The following MYO1C variants were observed in gnomAD, a reference collection of about 807,000 sequenced individuals.
MYO1C encodes the protein myosin IC.
MYO1C carries 104 observed loss-of-function variants against 150.8 expected under a neutral mutation model. The observed-to-expected ratio is 0.69, with a 90% CI of 0.59 to 0.81. The LOEUF (loss-of-function observed/expected upper bound fraction) is 0.81. MYO1C is among the 30% of genes least tolerant of loss of function. The pLI, the probability that MYO1C is intolerant of heterozygous loss-of-function variation, is 0.00. For missense variants in MYO1C, 1,504 were observed against 1,435.0 expected, an observed-to-expected ratio of 1.05 and a Z score of -0.78; for synonymous variants, 663 against 579.9, an observed-to-expected ratio of 1.14 and a Z score of -2.06.
At chr17:1,475,754 T>C (rs890902791) in intron 14 of MYO1C, among the ~76,000 whole-genome samples, 6 of 152,162 alleles carry the variant, frequency 3.9e-5, no homozygotes, top group African/African-American at 7.2e-5. Context: ...GGACAAAGAT[T>C]GAAGGCACGG....
rs1284785098 is a variant in MYO1C, at chr17:1,468,799, G to A, written c.2611-303C>T. 2.8e-5 allele frequency: 14 copies of A among 499,888 alleles called. No homozygotes were observed. The East Asian group carries it at 4.8e-4, about 17-fold the overall frequency. 31.0% of individuals were successfully genotyped at this position (499,888 alleles called of 1,614,324 possible). A position where few individuals can be genotyped will look rare whatever the true frequency, so the allele number is the denominator to read the frequency against. On this transcript the variant is annotated intron_variant, in intron 25 of 31. Transcript: ENST00000648651. ...GCCCTGAGACTCAGCTCCAGCTTGG[G>A]GTCTTGTAAGCAGCAGATCACTAAT...
chr17:1,465,712 AGT>A lies in MYO1C; in HGVS notation c.*12_*13del. On this transcript the variant is annotated 3_prime_UTR_variant, in exon 32 of 32. Transcript: ENST00000648651. ...AAAGCATTGGGCGTTGGGAGGGTCC[AGT>A]GGGCGCCTTTATCACCGAGAATTCA... 1 of 1,326,622 alleles carries A rather than the reference AGT, an allele frequency of 7.5e-7. No individual in the cohort carries two copies. The highest frequency in any genetic ancestry group is 9.7e-7 in the Non-Finnish European group (1 of 1,028,498). 82.2% of individuals were successfully genotyped at this position (1,326,622 alleles called of 1,614,324 possible).
chr17:1,469,285 C>CTGGGGTAAATACGGTAGG lies in MYO1C; in HGVS notation c.2610+228_2610+245dup, dbSNP rs1365481006. 692 of 544,910 alleles carry CTGGGGTAAATACGGTAGG rather than the reference C, an allele frequency of 1.3e-3. 3 individuals carry two copies. The highest frequency in any genetic ancestry group is 5.7e-3 in the African/African-American group (304 of 53,452). The allele number at this position is 544,910 out of a possible 1,614,324, so 33.8% of individuals were successfully genotyped here. ...AGTAGATTGCGGTAAATAGAGTAGA[C>CTGGGGTAAATACGGTAGG]TGGGGTAAATACGGTAGGTGGGGTA... is the stretch of plus-strand genomic sequence containing the variant. On this transcript the variant is annotated intron_variant, in intron 25 of 31. Transcript: ENST00000648651.
chr17:1,470,428 C>A lies in MYO1C; in HGVS notation c.2366+7G>T, dbSNP rs759281121. On this transcript the variant is annotated splice_region_variant and intron_variant, in intron 23 of 31. Coordinates refer to ENST00000648651, the MANE Select transcript of MYO1C (RefSeq NM_001080779.2). Reference sequence around the variant, plus strand: ...CTGCAGCCCCCACAAGGCACCCTGGCGCTCACCGCCGGATGGTCTGTGCCG... The same window carrying A: ...CTGCAGCCCCCACAAGGCACCCTGGAGCTCACCGCCGGATGGTCTGTGCCG... The A allele has an allele frequency of 1.9e-6, 3 of 1,550,288 alleles. No homozygotes were observed. Among genetic ancestry groups the A allele is most frequent in the Non-Finnish European group, 2.6e-6 (3 of 1,146,990 alleles).
chr17:1,470,525 G>A lies in MYO1C; in HGVS notation c.2282-6C>T, dbSNP rs769103980. ...CCACGACTGGATGCAGATGGCTGTC[G>A]TGGAGACCACAGATGGCTGAACTCT... On this transcript the variant is annotated splice_region_variant and splice_polypyrimidine_tract_variant and intron_variant, in intron 22 of 31. Transcript: ENST00000648651. 2.6e-5 allele frequency: 41 copies of A among 1,554,282 alleles called. No individual in the cohort carries two copies. Among genetic ancestry groups the A allele is most frequent in the Non-Finnish European group, 3.3e-5 (38 of 1,148,510 alleles).
rs776231426 is a variant in MYO1C at position 1,467,918 on chromosome 17, G to A, written c.2897-8C>T. 2.2e-5 allele frequency: 35 copies of A among 1,612,464 alleles called. No individual in the cohort carries two copies. The highest frequency in any genetic ancestry group is 2.8e-5 in the Non-Finnish European group (33 of 1,179,782). On this transcript the variant is annotated splice_polypyrimidine_tract_variant and splice_region_variant and intron_variant, in intron 28 of 31. Coordinates refer to ENST00000648651, the MANE Select transcript of MYO1C (RefSeq NM_001080779.2). ...GGCTGCTGACAGAGATTCCTGAGGGGAGAGGGCAAAGGTCAGAGGTCGAGG... is the reference window on the plus strand; with the variant it reads ...GGCTGCTGACAGAGATTCCTGAGGGAAGAGGGCAAAGGTCAGAGGTCGAGG...
intron 5 of MYO1C, among the ~76,000 whole-genome samples, chr17:1,482,052 T>C (rs976334160): frequency 7.2e-5 from 11 of 152,042 alleles, no homozygotes; most frequent in Admixed American, 1.3e-4. Context: ...GCCATTATTT[T>C]CTATTTTTTT....
chr17:1,480,144 CAAAAA>C (rs34326248), intron 7 of MYO1C, among the ~76,000 whole-genome samples: 1 of 42,680 alleles, frequency 2.3e-5, no homozygotes. Context: ...GACTCCATCT[CAAAAA>C]AAAAAAAAAA....
intron 1 of MYO1C, among the ~76,000 whole-genome samples, chr17:1,490,223 C>A (rs1001086956): frequency 1.4e-5 from 2 of 146,816 alleles, no homozygotes; most frequent in African/African-American, 2.5e-5. Flanking sequence ...CCAGGCCGGG[C>A]GCGGTGGCTC....
chr17:1,469,891 C>T (rs915435136), intron 24 of MYO1C, among the ~76,000 whole-genome samples: 43 of 152,198 alleles, frequency 2.8e-4, no homozygotes, highest in African/African-American at 8.7e-4. Flanking sequence ...AAAAATTAGC[C>T]GGGCGTAGTG....
rs1005340614 is a variant in MYO1C, at chr17:1,479,804, C to A, written c.907-99G>T. Reference sequence around the variant, plus strand: ...CATGCAGGGGTGGGTGGTGAAGTGTCGGAGAGAAGGGGCTGGAAGTGGGAA... The same window carrying A: ...CATGCAGGGGTGGGTGGTGAAGTGTAGGAGAGAAGGGGCTGGAAGTGGGAA... On this transcript the variant is annotated intron_variant, in intron 7 of 31. Coordinates refer to ENST00000648651, the MANE Select transcript of MYO1C (RefSeq NM_001080779.2). This position sits in a 1 kb window ranked among gnomAD's most constrained non-coding sequence, Gnocchi z 4.2. The A allele has an allele frequency of 1.2e-6, 1 of 812,876 alleles. No homozygotes were observed. The highest frequency in any genetic ancestry group is 1.5e-5 in the South Asian group (1 of 65,146). 50.4% of individuals were successfully genotyped at this position (812,876 alleles called of 1,614,324 possible). A position where few individuals can be genotyped will look rare whatever the true frequency, so the allele number is the denominator to read the frequency against.
chr17:1,474,540 C>G, intron 17 of MYO1C, 70 bp downstream of exon 17: 1 of 1,526,566 alleles, frequency 6.6e-7, no homozygotes. Flanking sequence ...TGCCAGCTCC[C>G]AGGCTCACAC....
At chr17:1,467,042 GCCACC>G (rs2074187214) in intron 31 of MYO1C, among the ~76,000 whole-genome samples, 195 bp downstream of exon 31, 4 of 152,230 alleles carry the variant, frequency 2.6e-5, no homozygotes, top group African/African-American at 4.8e-5. Context: ...ATAGGCATGA[GCCACC>G]GTGCTGCCAC....
Position 1,472,127 on chromosome 17 carries a change from C to T in MYO1C, c.1899G>A (p.Gln633=). The T allele has an allele frequency of 6.2e-7, 1 of 1,614,094 alleles. No homozygotes were observed. Among genetic ancestry groups the T allele is most frequent in the Non-Finnish European group, 8.5e-7 (1 of 1,179,970 alleles). Residue 633 remains glutamine, a synonymous_variant, in exon 18 of 32, where the codon CAG becomes CAA. Transcript: ENST00000648651. ...TCCCCCGTGGGAGGGGCCTACCGGGCTGTTTGGCATCATTGGGTTTGATGC... is the reference window on the plus strand; with the variant it reads ...TCCCCCGTGGGAGGGGCCTACCGGGTTGTTTGGCATCATTGGGTTTGATGC... ...VRCIKPNDAK[Q]PGRFDEVLIR...
Position 1,472,028 on chromosome 17 carries a change from G to T in MYO1C, c.1904-4C>A, listed in dbSNP as rs758687171. 1 of 1,613,948 alleles carries T rather than the reference G, an allele frequency of 6.2e-7. No individual in the cohort carries two copies. The highest frequency in any genetic ancestry group is 2.2e-5 in the East Asian group (1 of 44,874). On this transcript the variant is annotated splice_polypyrimidine_tract_variant and splice_region_variant and intron_variant, in intron 18 of 31. Coordinates refer to ENST00000648651, the MANE Select transcript of MYO1C (RefSeq NM_001080779.2). ...ATCAGCACCTCGTCAAAGCGGCCTG[G>T]GGTAGGGGGAGCGCCGTGGTCAGCG... is the stretch of plus-strand genomic sequence containing the variant.
chr17:1,482,677 C>A, intron 4 of MYO1C, 119 bp from the exon 5 acceptor site: 1 of 836,620 alleles, frequency 1.2e-6, no homozygotes, highest in Non-Finnish European at 1.8e-6. Context: ...TGCCCCTCCC[C>A]TCCCCTCCCG....
At chr17:1,471,497 G>A (rs548329552) in intron 19 of MYO1C, among the ~76,000 whole-genome samples, 161 bp from the exon 20 acceptor site, 4 of 152,044 alleles carry the variant, frequency 2.6e-5, no homozygotes, top group Admixed American at 6.5e-5. Flanking sequence ...TGAAGAAACC[G>A]TTCTTATCTA....
intron 24 of MYO1C, among the ~76,000 whole-genome samples, chr17:1,469,852 G>C (rs1409273285): frequency 6.6e-6 from 1 of 152,072 alleles, no homozygotes; most frequent in Non-Finnish European, 1.5e-5. Flanking sequence ...CTGGCCAACA[G>C]GGTGAAACCC....
Position 1,465,619 on chromosome 17 carries a change from G to T in MYO1C, c.*107C>A. On this transcript the variant is annotated 3_prime_UTR_variant, in exon 32 of 32. Transcript: ENST00000648651. ...GGTGGGAGATTGCAGGTGGGCTTCG[G>T]GGTGTCCCTGGGTCCCTGTCTGGAA... 1 of 1,172,704 alleles carries T rather than the reference G, an allele frequency of 8.5e-7. No homozygotes were observed. Among genetic ancestry groups the T allele is most frequent in the Non-Finnish European group, 1.1e-6 (1 of 888,658 alleles). The allele number at this position is 1,172,704 out of a possible 1,614,324, so 72.6% of individuals were successfully genotyped here. A position where few individuals can be genotyped will look rare whatever the true frequency, so the allele number is the denominator to read the frequency against.
Sources: allele counts gnomAD v4.1 joint callset (sites outside exome capture counted in the v4.1 genomes callset), GRCh38; gene constraint gnomAD v4.1.1; non-coding constraint Gnocchi (gnomAD v3.1); transcripts MANE v1.5; gene names NCBI Gene and HGNC (gene_info 2026-07-23, HGNC 2026-07-21).